The following APP variants were observed in gnomAD, a reference collection of about 807,000 sequenced individuals.
APP encodes the protein amyloid beta precursor protein, also known as amyloid-beta precursor protein.
In APP, 31 loss-of-function variants were observed where a neutral mutation model predicts 101.4. The observed-to-expected ratio is 0.31, with a 90% CI of 0.23 to 0.41. The LOEUF (loss-of-function observed/expected upper bound fraction) is 0.41. Ranked by LOEUF, APP falls within the 10% of genes least tolerant of loss-of-function variation. The probability of loss-of-function intolerance (pLI) is 1.00; values close to 1 mark genes in which losing one functional copy is unlikely to be tolerated. For synonymous variants in APP, 366 were observed against 364.4 expected (o/e 1.00, Z -0.05); for missense variants, 839 against 1,003.7 (o/e 0.84, Z 2.22).
At chr21:25,886,901 T>G (rs1301106740) in intron 17 of APP, among the ~76,000 whole-genome samples, 3 of 152,158 alleles carry the variant, frequency 2.0e-5, no homozygotes, top group African/African-American at 7.2e-5. Context: ...AGAAAGGACC[T>G]CTAAGGACAT....
At position 26,073,282 on chromosome 21, in the gene APP, G is replaced by A. The variant is rs551947615; in HGVS notation, c.355+16661C>T. On this transcript the variant is annotated intron_variant, in intron 3 of 17. Transcript: ENST00000346798. Reference sequence around the variant, plus strand: ...TGCAAAAGGTGGCGCGGGGAGGACGGGGAAGGGAGCCTGAAAGGAAAATGG... The same window carrying A: ...TGCAAAAGGTGGCGCGGGGAGGACGAGGAAGGGAGCCTGAAAGGAAAATGG... 2.2e-3 allele frequency among the ~76,000 whole-genome samples: 334 copies of A among 152,204 alleles called. 2 individuals are homozygous for A. Among genetic ancestry groups the A allele is most frequent in the Non-Finnish European group, 4.3e-3 (292 of 67,986 alleles).
chr21:25,975,966 C>A lies in APP; in HGVS notation c.1287G>T (p.Lys429Asn), dbSNP rs1418014426. ...QAKNLPKADK[K>N]AVIQHFQEKV... ...GTTCAGGTTTTACCTGGATAACTGC[C>A]TTCTTATCAGCTTTAGGCAAGTTCT... is the stretch of plus-strand genomic sequence containing the variant. The change falls in exon 10 of 18, where the codon AAG (lysine) becomes AAT (asparagine). Residue 429 changes from lysine (K) to asparagine (N), a missense_variant. Physicochemically the swap from Lys to Asn is moderately conservative, Grantham distance 94 (BLOSUM62 0). Transcript: ENST00000346798. The A allele has an allele frequency of 6.2e-7, 1 of 1,613,734 alleles. No homozygotes were observed. The highest frequency in any genetic ancestry group is 8.5e-7 in the Non-Finnish European group (1 of 1,179,826).
chr21:26,136,528 C>A (rs780269093), intron 1 of APP, among the ~76,000 whole-genome samples: 3 of 152,080 alleles, frequency 2.0e-5, no homozygotes, highest in Non-Finnish European at 4.4e-5. Context: ...GAGTTTTACA[C>A]CTCTAGAATT....
At chr21:25,975,919 T>G in intron 10 of APP, 35 bp downstream of exon 10, 7 of 1,540,802 alleles carry the variant, frequency 4.5e-6, no homozygotes, top group Non-Finnish European at 6.3e-6. Flanking sequence ...ACTGCTGGCA[T>G]GTGATGTTTG....
chr21:26,030,852 T>C (rs923610101), intron 5 of APP, among the ~76,000 whole-genome samples: 2 of 152,156 alleles, frequency 1.3e-5, no homozygotes, highest in Non-Finnish European at 2.9e-5. Context: ...GGTGGAGAGT[T>C]GGAAGTATAT....
Position 25,881,488 on chromosome 21 carries a change from CT to C in APP, c.*181del, listed in dbSNP as rs2146192129. On this transcript the variant is annotated 3_prime_UTR_variant, in exon 18 of 18. Transcript: ENST00000346798. The stretch of plus-strand genomic sequence containing the variant: ...ATGTAAAGAGAGATAGAATACATTA[CT>C]GATGTGTGGATTAATTCAAGTTCAG... The C allele has an allele frequency of 1.4e-6, 1 of 691,840 alleles. No individual in the cohort carries two copies. The highest frequency in any genetic ancestry group is 1.8e-5 in the African/African-American group (1 of 56,924). 42.9% of individuals were successfully genotyped at this position (691,840 alleles called of 1,614,324 possible). A position where few individuals can be genotyped will look rare whatever the true frequency, so the allele number is the denominator to read the frequency against.
At chr21:26,017,645 AG>A (rs35528414) in intron 6 of APP, among the ~76,000 whole-genome samples, 152,246 of 152,250 alleles carry the variant, frequency 1, 76,121 homozygotes, top group Middle Eastern at 1. Flanking sequence ...TCCTCTGGAC[AG>A]GGCACAATTG....
rs751797026 is a variant in APP at position 25,881,630 on chromosome 21, G to T, written c.*40C>A. 2 of 1,582,702 alleles carry T rather than the reference G, an allele frequency of 1.3e-6. No individual in the cohort carries two copies. Among genetic ancestry groups the T allele is most frequent in the Non-Finnish European group, 8.7e-7 (1 of 1,151,652 alleles). On this transcript the variant is annotated 3_prime_UTR_variant, in exon 18 of 18. Transcript: ENST00000346798. The stretch of plus-strand genomic sequence containing the variant: ...GGACACCGATGGGTAGTGAAGCAAT[G>T]GTTTTGCTGTCCAACTTCAGAGGCT...
At chr21:26,006,500 G>A (rs973682293) in intron 6 of APP, among the ~76,000 whole-genome samples, 4 of 152,216 alleles carry the variant, frequency 2.6e-5, no homozygotes, top group East Asian at 1.9e-4. Context: ...TCGTGTCAAC[G>A]CTACATTCCA....
At chr21:26,082,168 G>A (rs930122422) in intron 3 of APP, among the ~76,000 whole-genome samples, 2 of 152,092 alleles carry the variant, frequency 1.3e-5, no homozygotes, top group Admixed American at 6.5e-5. Flanking sequence ...GCAGTGAGCC[G>A]AGATCACGCC....
rs570407858 is a variant in APP at position 26,040,698 on chromosome 21, T to C, written c.662+10302A>G. 1.9e-4 allele frequency among the ~76,000 whole-genome samples: 28 copies of C among 149,354 alleles called. No individual in the cohort carries two copies. In the East Asian group the frequency reaches 4.5e-3, roughly 24 times the overall value. ...TACCACTTGAACTTGGGAGGGGAGG[T>C]TGCAGTGAGCTGAGATTGCACCATT... On this transcript the variant is annotated intron_variant, in intron 5 of 17. Transcript: ENST00000346798.
intron 1 of APP, among the ~76,000 whole-genome samples, chr21:26,168,401 C>A (rs1398347707): frequency 1.3e-5 from 2 of 152,210 alleles, no homozygotes; most frequent in Admixed American, 1.3e-4. Context: ...TACCCTTCTA[C>A]CAACACTTCG....
At chr21:26,006,290 C>G (rs1367710787) in intron 6 of APP, among the ~76,000 whole-genome samples, 1 of 152,206 alleles carries the variant, frequency 6.6e-6, no homozygotes, top group Non-Finnish European at 1.5e-5. Flanking sequence ...AATAGCTTTT[C>G]TGATATTCAC....
chr21:26,067,572 C>T (rs1038171857), intron 3 of APP, among the ~76,000 whole-genome samples: 2 of 152,180 alleles, frequency 1.3e-5, no homozygotes, highest in African/African-American at 4.8e-5. Context: ...GCTATCTTAA[C>T]GCATACATTT....
intron 1 of APP, among the ~76,000 whole-genome samples, chr21:26,147,823 G>A (rs1210754249): frequency 6.6e-6 from 1 of 151,616 alleles, no homozygotes; most frequent in African/African-American, 2.4e-5. Context: ...AAAAAAACCT[G>A]AAGTCTCTTG....
At chr21:26,150,103 G>T (rs1005940017) in intron 1 of APP, among the ~76,000 whole-genome samples, 1 of 152,122 alleles carries the variant, frequency 6.6e-6, no homozygotes, top group African/African-American at 2.4e-5. Context: ...AGGGAGGGGA[G>T]AGGAGGGAGC....
chr21:26,010,037 G>A (rs963998007), intron 6 of APP: 2 of 3,068 alleles, frequency 6.5e-4, no homozygotes, highest in Non-Finnish European at 4.5e-3. Flanking sequence ...TCCTTTTCTG[G>A]GGAAGACTGA....
chr21:26,009,053 C>T (rs975161395), intron 6 of APP, among the ~76,000 whole-genome samples: 8 of 152,078 alleles, frequency 5.3e-5, no homozygotes, highest in African/African-American at 1.9e-4. Flanking sequence ...TTGGATAACT[C>T]GAATGGATAT....
At chr21:26,138,988 G>C (rs1283748155) in intron 1 of APP, among the ~76,000 whole-genome samples, 1 of 152,038 alleles carries the variant, frequency 6.6e-6, no homozygotes, top group African/African-American at 2.4e-5. Context: ...GGGTGGGGCG[G>C]GGAATTGTGA....
Sources: gnomAD v4.1 joint callset for allele counts (sites outside exome capture counted in the v4.1 genomes callset) on GRCh38, gnomAD v4.1.1 for gene constraint, MANE v1.5 for transcripts, NCBI Gene and HGNC (gene_info 2026-07-23, HGNC 2026-07-21) for gene names.